ZC3HAV1: variants seen among roughly 807,000 people sequenced by gnomAD.
ZC3HAV1 encodes zinc finger CCCH-type antiviral protein 1.
In ZC3HAV1, 41 loss-of-function variants were observed where a neutral mutation model predicts 86.6. That is an observed-to-expected ratio of 0.47 (90% CI 0.37 to 0.61). The LOEUF (loss-of-function observed/expected upper bound fraction) is 0.61, where lower values mean the gene tolerates loss of function less well. Among genes scored for constraint, ZC3HAV1 ranks in the 20% least tolerant of loss-of-function variants. ZC3HAV1 has a pLI of 0.00. For synonymous variants in ZC3HAV1, 421 were observed against 432.1 expected (o/e 0.97, Z 0.32); for missense variants, 964 against 1,141.1 (o/e 0.84, Z 2.24).
chr7:139,067,456 A>G (rs986606439), intron 7 of ZC3HAV1, among the ~76,000 whole-genome samples: 3 of 152,128 alleles, frequency 2.0e-5, no homozygotes, highest in Admixed American at 1.3e-4. Flanking sequence ...TGGCCAGGGA[A>G]GCAAAATTTC....
At chr7:139,066,213 C>T (rs975153795) in intron 7 of ZC3HAV1, among the ~76,000 whole-genome samples, 1 of 152,114 alleles carries the variant, frequency 6.6e-6, no homozygotes, top group Non-Finnish European at 1.5e-5. Context: ...TTTTTCCAAG[C>T]AGCCGTGGTG....
intron 8 of ZC3HAV1, 73 bp downstream of exon 8, chr7:139,064,806 C>T: frequency 6.2e-7 from 1 of 1,610,324 alleles, no homozygotes; most frequent in South Asian, 1.1e-5. Flanking sequence ...CATACCCACT[C>T]TGCTCCCACT....
In ZC3HAV1 at chr7:139,108,503, G is replaced by C. The variant is rs1465281783; in HGVS notation, c.308+521C>G. Among the ~76,000 whole-genome samples, 4 of 152,144 alleles carry C rather than the reference G, an allele frequency of 2.6e-5. No homozygotes were observed. The highest frequency in any genetic ancestry group is 5.9e-5 in the Non-Finnish European group (4 of 68,024). The stretch of plus-strand genomic sequence containing the variant: ...AAAAGCGGTGATGAGGGGCATGGGG[G>C]TGACCGGGAAGGGAGGGACAAGCAG... On this transcript the variant is annotated intron_variant, in intron 1 of 12. Coordinates refer to ENST00000242351, the MANE Select transcript of ZC3HAV1 (RefSeq NM_020119.4). This position sits in a 1 kb window ranked among gnomAD's most constrained non-coding sequence, Gnocchi z 4.2.
intron 4 of ZC3HAV1, 24 bp from the exon 5 acceptor site, chr7:139,078,677 G>T: frequency 1.3e-6 from 2 of 1,516,390 alleles, no homozygotes; most frequent in Non-Finnish European, 1.8e-6. Context: ...AAGGATGCAT[G>T]TATGCTGATC....
At chr7:139,097,766 C>A (rs1458319963) in intron 1 of ZC3HAV1, among the ~76,000 whole-genome samples, 1 of 151,558 alleles carries the variant, frequency 6.6e-6, no homozygotes, top group Non-Finnish European at 1.5e-5. Context: ...GTAAAAAAAT[C>A]TTTTCAGCCC....
chr7:139,068,426 C>A (rs1050778798), intron 7 of ZC3HAV1, among the ~76,000 whole-genome samples: 2 of 152,146 alleles, frequency 1.3e-5, no homozygotes, highest in African/African-American at 4.8e-5. Context: ...TCAGAGTGAT[C>A]GTCTTGCACC....
rs1443104652 is a variant in ZC3HAV1 at position 139,061,030 on chromosome 7, A to G, written c.2096+6T>C. ...TGTCAGCAAACAGCTGCTTCAGAACACTTACTCTGGCCCTCTCTTCATCTG... is the reference window on the plus strand; with the variant it reads ...TGTCAGCAAACAGCTGCTTCAGAACGCTTACTCTGGCCCTCTCTTCATCTG... On this transcript the variant is annotated splice_donor_region_variant and intron_variant, in intron 9 of 12. Transcript: ENST00000242351. 2 of 1,613,438 alleles carry G rather than the reference A, an allele frequency of 1.2e-6. No homozygotes were observed. Among genetic ancestry groups the G allele is most frequent in the Non-Finnish European group, 1.7e-6 (2 of 1,179,942 alleles).
chr7:139,086,400 C>G (rs55946764), intron 2 of ZC3HAV1, among the ~76,000 whole-genome samples: 2 of 151,754 alleles, frequency 1.3e-5, no homozygotes, highest in African/African-American at 4.8e-5. Flanking sequence ...CTCCCCACCC[C>G]ACCCCACCCT....
chr7:139,052,165 C>T (rs1761354487), intron 12 of ZC3HAV1, among the ~76,000 whole-genome samples: 1 of 150,734 alleles, frequency 6.6e-6, no homozygotes, highest in Non-Finnish European at 1.5e-5. Context: ...TTTTAGGGTA[C>T]ATGTGCACAA....
Position 139,079,886 on chromosome 7 carries a change from T to C in ZC3HAV1, c.1055A>G (p.Asn352Ser), listed in dbSNP as rs1817074866. ...GNPGSTYLAS[N>S]STSAPNWKSL... ...CTTCCAGTTGGGGGCTGATGTTGAA[T>C]TGGAAGCAAGGTAAGTGCTGCCTGG... The change falls in exon 4 of 13, where the codon AAT becomes AGT. Residue 352 changes from asparagine (N) to serine (S), a missense_variant. Physicochemically the swap from Asn to Ser is conservative, Grantham distance 46 (BLOSUM62 1). Transcript: ENST00000242351. 4.3e-6 allele frequency: 7 copies of C among 1,614,040 alleles called. No individual in the cohort carries two copies. The highest frequency in any genetic ancestry group is 5.9e-6 in the Non-Finnish European group (7 of 1,180,036).
chr7:139,103,333 G>A (rs1384370679), intron 1 of ZC3HAV1, among the ~76,000 whole-genome samples: 1 of 148,124 alleles, frequency 6.8e-6, no homozygotes. Flanking sequence ...TTGAACTCCT[G>A]TCCTCAATCC....
At chr7:139,050,887 C>T (rs1816101220) in intron 12 of ZC3HAV1, among the ~76,000 whole-genome samples, 1 of 152,070 alleles carries the variant, frequency 6.6e-6, no homozygotes, top group Non-Finnish European at 1.5e-5. Flanking sequence ...AGCTTAAAAC[C>T]TTTCATTAGT....
chr7:139,083,952 G>A lies in ZC3HAV1; in HGVS notation c.525C>T (p.Asp175=), dbSNP rs752035553. 3.0e-5 allele frequency: 49 copies of A among 1,613,970 alleles called. 1 individual carries two copies. The East Asian group carries it at 1.0e-3, about 34-fold the overall frequency. ...QPPCSRLHIC[D]HFTRGNCRFP... ...AACGACAGTTCCCTCGGGTGAAGTG[G>A]TCACAGATGTGGAGTCTTGAACACG... Residue 175 remains aspartate (D), a synonymous_variant, in exon 3 of 13, where the codon GAC becomes GAT. Coordinates refer to ENST00000242351, the MANE Select transcript of ZC3HAV1 (RefSeq NM_020119.4).
intron 5 of ZC3HAV1, among the ~76,000 whole-genome samples, chr7:139,077,713 A>G (rs1180076945): frequency 6.6e-6 from 1 of 152,262 alleles, no homozygotes; most frequent in Non-Finnish European, 1.5e-5. Flanking sequence ...AAGCTACAGT[A>G]CAGGAAGACA....
intron 5 of ZC3HAV1, among the ~76,000 whole-genome samples, chr7:139,078,121 C>T (rs1817008368): frequency 6.6e-6 from 1 of 152,190 alleles, no homozygotes; most frequent in African/African-American, 2.4e-5. Flanking sequence ...CGCCTGTAAC[C>T]CCAGCTACCT....
At chr7:139,071,397 C>T (rs990991228) in intron 7 of ZC3HAV1, among the ~76,000 whole-genome samples, 4 of 152,266 alleles carry the variant, frequency 2.6e-5, no homozygotes, top group South Asian at 2.1e-4. Context: ...CCACCACGCC[C>T]GGCCTCCTGG....
intron 7 of ZC3HAV1, among the ~76,000 whole-genome samples, chr7:139,067,737 G>A (rs1363880602): frequency 6.6e-6 from 1 of 152,120 alleles, no homozygotes. Flanking sequence ...AGACCAACAG[G>A]AGAAAAGCAT....
rs182927969 is a variant in ZC3HAV1 at position 139,084,680 on chromosome 7, G to A, written c.445-648C>T. 7.0e-4 allele frequency among the ~76,000 whole-genome samples: 106 copies of A among 152,276 alleles called. 1 individual carries two copies. The highest frequency in any genetic ancestry group is 1.7e-3 in the East Asian group (9 of 5,188). ...GATCCCTTACCTACTCTTAGCCTCC[G>A]TTTCCTTTGCTGTAACAGGAGGAAA... On this transcript the variant is annotated intron_variant, in intron 2 of 12. Coordinates refer to ENST00000242351, the MANE Select transcript of ZC3HAV1 (RefSeq NM_020119.4).
intron 5 of ZC3HAV1, among the ~76,000 whole-genome samples, chr7:139,077,187 T>C (rs1816977423): frequency 6.6e-6 from 1 of 152,172 alleles, no homozygotes; most frequent in Non-Finnish European, 1.5e-5. Flanking sequence ...GGGTTAATTT[T>C]TTATATGTTT....
Sources: gnomAD v4.1 joint callset for allele counts (sites outside exome capture counted in the v4.1 genomes callset) on GRCh38, gnomAD v4.1.1 for gene constraint, Gnocchi (gnomAD v3.1) non-coding constraint, MANE v1.5 for transcripts, NCBI Gene and HGNC (gene_info 2026-07-23, HGNC 2026-07-21) for gene names.